Variants in TIAM2 observed in about 807,000 individuals in gnomAD.
The protein encoded by TIAM2 is TIAM Rac1 associated GEF 2, also known as rho guanine nucleotide exchange factor TIAM2.
TIAM2 carries 80 observed loss-of-function variants against 152.9 expected under a neutral mutation model. That is an observed-to-expected ratio of 0.52 (90% CI 0.44 to 0.63). The LOEUF is 0.63. TIAM2 is among the 30% of genes least tolerant of loss of function. TIAM2 has a pLI of 0.00. For missense variants in TIAM2, 1,965 were observed against 2,120.1 expected (o/e 0.93, Z 1.44); for synonymous variants, 804 against 838.0 (o/e 0.96, Z 0.70).
chr6:155,126,023 C>T (rs1054244590), intron 2 of TIAM2, among the ~76,000 whole-genome samples: 2 of 152,112 alleles, frequency 1.3e-5, no homozygotes, highest in South Asian at 4.2e-4. Context: ...GTTAAACACC[C>T]ATGGTCATAG....
At chr6:155,242,191 A>G (rs778154698) in intron 16 of TIAM2, among the ~76,000 whole-genome samples, 50 of 152,198 alleles carry the variant, frequency 3.3e-4, no homozygotes, top group Non-Finnish European at 6.5e-4. Context: ...TTTGCTGTCC[A>G]GGAAGTCCTC....
intron 9 of TIAM2, among the ~76,000 whole-genome samples, chr6:155,167,094 G>A (rs1043719932): frequency 2.0e-5 from 3 of 152,168 alleles, no homozygotes; most frequent in Non-Finnish European, 4.4e-5. Context: ...GTTAGAGGTG[G>A]TGGAGAGTGG....
At chr6:155,189,368 A>C (rs1433327015) in intron 14 of TIAM2, among the ~76,000 whole-genome samples, 1 of 151,820 alleles carries the variant, frequency 6.6e-6, no homozygotes, top group Non-Finnish European at 1.5e-5. Flanking sequence ...TTTTTAAATC[A>C]GAAAACAATC....
chr6:155,113,447 G>A (rs898339750), intron 2 of TIAM2, among the ~76,000 whole-genome samples: 9 of 152,078 alleles, frequency 5.9e-5, no homozygotes, highest in African/African-American at 1.9e-4. Context: ...TCGGCCAGGC[G>A]TGGTGGCTCA....
rs75483369 is a variant in TIAM2, at chr6:155,223,787, T to G, written c.3168+12480T>G. Among the ~76,000 whole-genome samples the G allele has an allele frequency of 3.9e-5, 6 of 152,274 alleles. No individual in the cohort carries two copies. The East Asian group carries it at 1.2e-3, about 29-fold the overall frequency. ...TTTTTATGCTCAGCGTAAGGGACGC[T>G]CAGGTGGCTGTGGCTCCTGTGTTCC... On this transcript the variant is annotated intron_variant, in intron 15 of 26. Coordinates refer to ENST00000682666, the MANE Select transcript of TIAM2 (RefSeq NM_012454.4).
Position 155,254,040 on chromosome 6 carries a change from C to T in TIAM2, c.4293C>T (p.Thr1431=), listed in dbSNP as rs746744894. ...CAGAAATAGAAGGACGGCCAGAAAC[C>T]ATCTTTCAGTTGTGTTGCAGGTATG... The part of the protein sequence containing the change: ...TKSEIEGRPE[T]IFQLCCSDSE... Residue 1431 remains threonine (T), a synonymous_variant, in exon 25 of 27, where the codon ACC becomes ACT. Coordinates refer to ENST00000682666, the MANE Select transcript of TIAM2 (RefSeq NM_012454.4). 1.2e-6 allele frequency: 2 copies of T among 1,613,888 alleles called. No homozygotes were observed. The highest frequency in any genetic ancestry group is 2.7e-5 in the African/African-American group (2 of 74,872).
intron 1 of TIAM2, among the ~76,000 whole-genome samples, chr6:155,042,366 C>T (rs576953434): frequency 1.6e-4 from 24 of 152,130 alleles, no homozygotes; most frequent in Admixed American, 1.2e-3. Context: ...AAGGCTGAGG[C>T]GGGCGGATCA....
chr6:155,159,841 A>G (rs922336364), intron 7 of TIAM2, among the ~76,000 whole-genome samples: 1 of 152,230 alleles, frequency 6.6e-6, no homozygotes, highest in African/African-American at 2.4e-5. Context: ...ATAAAGAACC[A>G]TGACCTTAAA....
In TIAM2 at chr6:155,045,838, C is replaced by CT. The variant is rs1238583120; in HGVS notation, c.-208-44450dup. On this transcript the variant is annotated intron_variant, in intron 1 of 26. Coordinates refer to ENST00000682666, the MANE Select transcript of TIAM2 (RefSeq NM_012454.4). Reference sequence around the variant, plus strand: ...ATATTTTTTTCTTGGACATAGTGCCCTCTTTTTTTTTTTTTTTTTTTTTGG... The same window carrying CT: ...ATATTTTTTTCTTGGACATAGTGCCCTTCTTTTTTTTTTTTTTTTTTTTTGG... 2.9e-3 allele frequency among the ~76,000 whole-genome samples: 129 copies of CT among 45,048 alleles called. No homozygotes were observed. The East Asian group carries it at 0.031, about 11-fold the overall frequency. 29.6% of individuals were successfully genotyped at this position (45,048 alleles called of 152,430 possible).
At chr6:155,026,019 C>G (rs1776595758) in intron 1 of TIAM2, among the ~76,000 whole-genome samples, 1 of 152,142 alleles carries the variant, frequency 6.6e-6, no homozygotes, top group African/African-American at 2.4e-5. Context: ...GAATGGGCTT[C>G]TTGAATGGTT....
At chr6:155,217,648 A>C (rs1256756918) in intron 15 of TIAM2, among the ~76,000 whole-genome samples, 1 of 152,202 alleles carries the variant, frequency 6.6e-6, no homozygotes, top group Non-Finnish European at 1.5e-5. Flanking sequence ...TTGTGGAAGA[A>C]TTTTATGTAA....
intron 1 of TIAM2, among the ~76,000 whole-genome samples, chr6:155,048,311 T>C (rs2114919462): frequency 6.6e-6 from 1 of 152,206 alleles, no homozygotes; most frequent in South Asian, 2.1e-4. Flanking sequence ...CTCACTATGT[T>C]GCCCAGGCTG....
chr6:155,136,717 T>A (rs1352110023), intron 4 of TIAM2, among the ~76,000 whole-genome samples: 1 of 152,202 alleles, frequency 6.6e-6, no homozygotes, highest in Non-Finnish European at 1.5e-5. Flanking sequence ...ACTGAGTCCC[T>A]GTCTTCCCCA....
chr6:155,212,386 CTGTT>C (rs1583252818), intron 15 of TIAM2, among the ~76,000 whole-genome samples: 1 of 152,196 alleles, frequency 6.6e-6, no homozygotes, highest in Non-Finnish European at 1.5e-5. Flanking sequence ...GCATTTTTAA[CTGTT>C]TGTTGTCAGC....
At chr6:155,155,803 A>G (rs1339261535) in intron 7 of TIAM2, among the ~76,000 whole-genome samples, 1 of 152,212 alleles carries the variant, frequency 6.6e-6, no homozygotes, top group Non-Finnish European at 1.5e-5. Flanking sequence ...GAGAATAAGA[A>G]TGTTTGGTTT....
intron 14 of TIAM2, among the ~76,000 whole-genome samples, chr6:155,207,459 T>A (rs1476207867): frequency 1.3e-5 from 2 of 152,212 alleles, no homozygotes; most frequent in African/African-American, 4.8e-5. Context: ...GGACTCTGTA[T>A]GCACAGATGC....
intron 21 of TIAM2, among the ~76,000 whole-genome samples, chr6:155,250,291 C>T (rs1410557552): frequency 7.5e-6 from 1 of 133,698 alleles, no homozygotes; most frequent in African/African-American, 2.8e-5. Context: ...TTGATTTTGC[C>T]TTTTTTTTTT....
At chr6:155,226,899 G>A (rs1462331844) in intron 15 of TIAM2, among the ~76,000 whole-genome samples, 2 of 152,142 alleles carry the variant, frequency 1.3e-5, no homozygotes, top group South Asian at 4.1e-4. Flanking sequence ...TGTTTGTTTT[G>A]CGCCCCTGTC....
At chr6:155,059,110 G>GCT (rs1312402953) in intron 1 of TIAM2, among the ~76,000 whole-genome samples, 1 of 152,138 alleles carries the variant, frequency 6.6e-6, no homozygotes, top group African/African-American at 2.4e-5. Context: ...ACTTTCCCCA[G>GCT]TTTTTCCACT....
Sources: allele counts gnomAD v4.1 joint callset (sites outside exome capture counted in the v4.1 genomes callset), GRCh38; gene constraint gnomAD v4.1.1; transcripts MANE v1.5; gene names NCBI Gene and HGNC (gene_info 2026-07-23, HGNC 2026-07-21).